PCBP3: variants seen among roughly 807,000 people sequenced by gnomAD.
The protein encoded by PCBP3 is poly(rC) binding protein 3.
In PCBP3, 25 loss-of-function variants were observed where a neutral mutation model predicts 52.7. The ratio of observed to expected loss-of-function variants is 0.47; its 90% CI spans 0.35 to 0.66. The LOEUF (loss-of-function observed/expected upper bound fraction) is 0.66. Ranked by LOEUF, PCBP3 falls within the 30% of genes least tolerant of loss-of-function variation. The pLI, the probability that PCBP3 is intolerant of heterozygous loss-of-function variation, is 0.01. For synonymous variants in PCBP3, 162 were observed against 183.0 expected (o/e 0.89, Z 0.93); for missense variants, 391 against 490.3 (o/e 0.80, Z 1.91).
At chr21:45,662,213 T>A (rs932066636) in intron 1 of PCBP3, among the ~76,000 whole-genome samples, 1 of 151,818 alleles carries the variant, frequency 6.6e-6, no homozygotes, top group Non-Finnish European at 1.5e-5. Context: ...GCTCAAGTGA[T>A]CCTCCTGTCT....
intron 5 of PCBP3, among the ~76,000 whole-genome samples, chr21:45,861,970 C>G (rs1338997099): frequency 3.3e-5 from 5 of 152,162 alleles, no homozygotes; most frequent in Non-Finnish European, 7.3e-5. Context: ...TGGGAAGGGT[C>G]GGCCTGTCTG....
At chr21:45,920,957 C>T (rs2074350547) in intron 13 of PCBP3, among the ~76,000 whole-genome samples, 1 of 152,222 alleles carries the variant, frequency 6.6e-6, no homozygotes, top group Admixed American at 6.5e-5. Context: ...TGAAGTATCT[C>T]TCTGTGGAAG....
In PCBP3 at chr21:45,747,327, A is replaced by G. The variant is rs555927873; in HGVS notation, c.-161-8090A>G. On this transcript the variant is annotated intron_variant, in intron 3 of 17. Transcript: ENST00000681687. ...ACGACACGTGGGGATTATGGGAGCT[A>G]CAATTCAAAATGAGATTTGGGTGCA... is the stretch of plus-strand genomic sequence containing the variant. 1.5e-4 allele frequency among the ~76,000 whole-genome samples: 23 copies of G among 152,340 alleles called. No individual in the cohort carries two copies. The South Asian group carries it at 4.6e-3, about 30-fold the overall frequency.
chr21:45,709,299 GACTAAGTACATC>G (rs2083670051), intron 2 of PCBP3, among the ~76,000 whole-genome samples: 1 of 152,170 alleles, frequency 6.6e-6, no homozygotes, highest in Non-Finnish European at 1.5e-5. Flanking sequence ...CTTCAGTTGT[GACTAAGTACATC>G]ACATACCTTA....
At chr21:45,881,934 GTCTC>G (rs1410739951) in intron 5 of PCBP3, among the ~76,000 whole-genome samples, 4 of 152,056 alleles carry the variant, frequency 2.6e-5, no homozygotes, top group Non-Finnish European at 5.9e-5. Flanking sequence ...TTATCCGTTC[GTCTC>G]TCTATGAACA....
intron 2 of PCBP3, among the ~76,000 whole-genome samples, chr21:45,690,626 AAAC>A (rs1569120320): frequency 6.6e-6 from 1 of 152,136 alleles, no homozygotes; most frequent in African/African-American, 2.4e-5. Context: ...AATAATAAGG[AAAC>A]AACAACTCAA....
In PCBP3 at chr21:45,834,346, G is replaced by A. The variant is rs554631119; in HGVS notation, c.-125-15615G>A. Among the ~76,000 whole-genome samples, 4 of 152,358 alleles carry A rather than the reference G, an allele frequency of 2.6e-5. No individual in the cohort carries two copies. In the South Asian group the frequency reaches 8.3e-4, roughly 32 times the overall value. ...AGAGCAGGGACTGGAAGTTGTGAAT[G>A]AATGACTAAATGCTTTCCTAGAGGC... On this transcript the variant is annotated intron_variant, in intron 4 of 17. Coordinates refer to ENST00000681687, the MANE Select transcript of PCBP3 (RefSeq NM_001384156.1).
In PCBP3 at chr21:45,900,981, T is replaced by C; in HGVS notation, c.223-16T>C. ...GTTTTAATCAGGTCGCTGGGGTTTC[T>C]CTGCTCTCACCTTAGAGTGGTGCAA... On this transcript the variant is annotated splice_polypyrimidine_tract_variant and intron_variant, in intron 8 of 17. Transcript: ENST00000681687. The C allele has an allele frequency of 6.3e-7, 1 of 1,597,438 alleles. No homozygotes were observed. The highest frequency in any genetic ancestry group is 2.2e-5 in the East Asian group (1 of 44,800).
chr21:45,648,162 A>G (rs969831167), intron 1 of PCBP3, among the ~76,000 whole-genome samples: 1 of 152,080 alleles, frequency 6.6e-6, no homozygotes, highest in Admixed American at 6.6e-5. Flanking sequence ...CTGACTTGTG[A>G]CCTCCAAAAC....
chr21:45,709,341 A>G (rs1018457817), intron 2 of PCBP3, among the ~76,000 whole-genome samples: 5 of 152,224 alleles, frequency 3.3e-5, no homozygotes, highest in Non-Finnish European at 7.3e-5. Flanking sequence ...GAAACACTCT[A>G]TATCTTAGAT....
At chr21:45,707,313 C>G (rs1045053008) in intron 2 of PCBP3, among the ~76,000 whole-genome samples, 3 of 151,862 alleles carry the variant, frequency 2.0e-5, no homozygotes, top group African/African-American at 7.3e-5. Context: ...GTCAGGAGTT[C>G]AAGACCAGCC....
intron 1 of PCBP3, among the ~76,000 whole-genome samples, chr21:45,649,596 GTTT>G (rs2079547911): frequency 6.6e-6 from 1 of 152,122 alleles, no homozygotes; most frequent in Non-Finnish European, 1.5e-5. Flanking sequence ...GCATGGATCA[GTTT>G]CTGGTTGCTT....
chr21:45,800,266 C>T lies in PCBP3; in HGVS notation c.-126+44814C>T, dbSNP rs2146706699. On this transcript the variant is annotated intron_variant, in intron 4 of 17. Coordinates refer to ENST00000681687, the MANE Select transcript of PCBP3 (RefSeq NM_001384156.1). The surrounding 1 kb of genome is among the most constrained non-coding windows in gnomAD (Gnocchi z 5.3). The stretch of plus-strand genomic sequence containing the variant: ...AAGCCAGAGGCTCCTGGCAGATCCA[C>T]CCACAGAGACAGCAGGTCCAGGTCA... 6.6e-6 allele frequency among the ~76,000 whole-genome samples: 1 copy of T among 152,316 alleles called. No homozygotes were observed. The highest frequency in any genetic ancestry group is 2.1e-4 in the South Asian group (1 of 4,828).
intron 5 of PCBP3, among the ~76,000 whole-genome samples, chr21:45,881,017 G>A (rs1177665667): frequency 1.3e-5 from 2 of 152,206 alleles, no homozygotes; most frequent in African/African-American, 4.8e-5. Context: ...GAGTGGACAT[G>A]CCTGGGCCAG....
At chr21:45,675,399 A>G (rs2081402489) in intron 2 of PCBP3, among the ~76,000 whole-genome samples, 1 of 152,216 alleles carries the variant, frequency 6.6e-6, no homozygotes. Context: ...GCAAGGCCCA[A>G]ATGCTCTTAT....
chr21:45,709,485 A>G (rs1022322583), intron 2 of PCBP3, among the ~76,000 whole-genome samples: 7 of 152,172 alleles, frequency 4.6e-5, no homozygotes, highest in African/African-American at 1.7e-4. Flanking sequence ...ATAGGCGACG[A>G]CTTTTCAGAA....
intron 4 of PCBP3, among the ~76,000 whole-genome samples, chr21:45,757,051 T>C (rs1251354599): frequency 1.3e-5 from 2 of 152,234 alleles, no homozygotes; most frequent in Non-Finnish European, 2.9e-5. Context: ...TATGTAGAAG[T>C]AGAAGTGTAG....
chr21:45,835,890 G>T (rs1307732101), intron 4 of PCBP3, among the ~76,000 whole-genome samples: 2 of 152,176 alleles, frequency 1.3e-5, no homozygotes, highest in Non-Finnish European at 2.9e-5. Context: ...GCAGCCCCAG[G>T]GGAACAGGCC....
chr21:45,926,793 C>T (rs1281034192), intron 13 of PCBP3, among the ~76,000 whole-genome samples: 1 of 145,948 alleles, frequency 6.9e-6, no homozygotes, highest in Non-Finnish European at 1.6e-5. Flanking sequence ...AGAAGAATGT[C>T]CTATTCTGAG....
Sources: allele counts gnomAD v4.1 joint callset (sites outside exome capture counted in the v4.1 genomes callset), GRCh38; gene constraint gnomAD v4.1.1; non-coding constraint Gnocchi (gnomAD v3.1); transcripts MANE v1.5; gene names NCBI Gene and HGNC (gene_info 2026-07-23, HGNC 2026-07-21).